Variants in SPAG16 observed in about 807,000 individuals in gnomAD.
SPAG16 encodes the protein sperm-associated antigen 16 protein.
SPAG16 carries 86 observed loss-of-function variants against 80.4 expected under a neutral mutation model. The ratio of observed to expected loss-of-function variants is 1.07; its 90% CI spans 0.90 to 1.28. SPAG16 has a LOEUF of 1.28. Ranked by LOEUF, SPAG16 falls within the 50% of genes most tolerant of loss-of-function variation. SPAG16 has a pLI of 0.00. For synonymous variants in SPAG16, 294 were observed against 265.9 expected (o/e 1.11, Z -1.03); for missense variants, 870 against 765.3 (o/e 1.14, Z -1.61).
intron 15 of SPAG16, among the ~76,000 whole-genome samples, chr2:214,400,498 C>T (rs778070022): frequency 5.9e-5 from 9 of 151,792 alleles, no homozygotes; most frequent in Non-Finnish European, 1.2e-4. Flanking sequence ...CAGGAGGATA[C>T]GCATAGGTTA....
chr2:214,243,610 A>G (rs1689640971), intron 15 of SPAG16, among the ~76,000 whole-genome samples: 1 of 152,156 alleles, frequency 6.6e-6, no homozygotes, highest in Non-Finnish European at 1.5e-5. Flanking sequence ...ATATACTACT[A>G]GTGTCTAGTT....
chr2:214,152,239 C>G (rs1178699728), intron 15 of SPAG16, among the ~76,000 whole-genome samples: 5 of 151,986 alleles, frequency 3.3e-5, no homozygotes, highest in African/African-American at 1.2e-4. Flanking sequence ...TATATATGTA[C>G]TAATAAATAG....
rs182472777 is a variant in SPAG16, at chr2:213,800,767, A to C, written c.1071-61718A>C. On this transcript the variant is annotated intron_variant, in intron 10 of 15. Coordinates refer to ENST00000331683, the MANE Select transcript of SPAG16 (RefSeq NM_024532.5). Reference sequence around the variant, plus strand: ...TAAATCTCATACCAAATTTGTAGTGATGCTTTGTATAAACATAACGTCCCA... The same window carrying C: ...TAAATCTCATACCAAATTTGTAGTGCTGCTTTGTATAAACATAACGTCCCA... Among the ~76,000 whole-genome samples the C allele has an allele frequency of 3.0e-4, 45 of 152,322 alleles. 1 individual carries two copies. The highest frequency in any genetic ancestry group is 1.1e-3 in the African/African-American group (44 of 41,578).
At chr2:213,408,935 G>A (rs1042041370) in intron 9 of SPAG16, among the ~76,000 whole-genome samples, 1 of 152,130 alleles carries the variant, frequency 6.6e-6, no homozygotes, top group Non-Finnish European at 1.5e-5. Flanking sequence ...AGTTAGCAGT[G>A]TAACACGTAT....
intron 10 of SPAG16, among the ~76,000 whole-genome samples, chr2:213,653,373 T>C (rs1199046894): frequency 3.9e-5 from 6 of 152,188 alleles, no homozygotes; most frequent in Non-Finnish European, 7.4e-5. Flanking sequence ...GCAAACACAG[T>C]GACTTTCATA....
chr2:213,284,729 A>T (rs758894614), intron 1 of SPAG16, 110 bp downstream of exon 1: 1 of 1,413,676 alleles, frequency 7.1e-7, no homozygotes, highest in Non-Finnish European at 9.3e-7. Flanking sequence ...GCCACTCCGG[A>T]GGAGCCTCTG....
chr2:214,167,531 G>T (rs2056705196), intron 15 of SPAG16, among the ~76,000 whole-genome samples: 1 of 152,024 alleles, frequency 6.6e-6, no homozygotes, highest in South Asian at 2.1e-4. Flanking sequence ...TTCCAAACTG[G>T]AGAAGGAAAG....
chr2:214,312,478 C>G (rs180910772), intron 15 of SPAG16, among the ~76,000 whole-genome samples: 5 of 152,224 alleles, frequency 3.3e-5, no homozygotes, highest in Non-Finnish European at 7.4e-5. Context: ...ATGGACCTGA[C>G]TTTGAGCTGT....
chr2:213,760,032 C>G (rs1009069853), intron 10 of SPAG16, among the ~76,000 whole-genome samples: 5 of 150,404 alleles, frequency 3.3e-5, no homozygotes, highest in African/African-American at 1.2e-4. Flanking sequence ...AAGACTCTGT[C>G]TCAAAAAAAG....
intron 10 of SPAG16, among the ~76,000 whole-genome samples, chr2:213,630,480 T>C (rs2062110374): frequency 6.6e-6 from 1 of 152,060 alleles, no homozygotes. Context: ...ATAAAAATGG[T>C]AAGTTTGTAA....
chr2:214,380,026 TGCA>T (rs1422694345), intron 15 of SPAG16, among the ~76,000 whole-genome samples: 32 of 152,204 alleles, frequency 2.1e-4, no homozygotes, highest in African/African-American at 7.7e-4. Context: ...GTATACACAC[TGCA>T]TTCTTAGTTC....
chr2:214,075,154 A>G (rs923564742), intron 13 of SPAG16, among the ~76,000 whole-genome samples: 1 of 150,794 alleles, frequency 6.6e-6, no homozygotes, highest in African/African-American at 2.4e-5. Flanking sequence ...TTTTTCAGGT[A>G]TTTTCTCCCA....
At chr2:213,399,490 A>G (rs1229136468) in intron 9 of SPAG16, among the ~76,000 whole-genome samples, 1 of 152,040 alleles carries the variant, frequency 6.6e-6, no homozygotes, top group Middle Eastern at 3.3e-3. Flanking sequence ...AAATGTAAAC[A>G]TTCTCTTTCA....
At chr2:213,309,277 G>T (rs556713107) in intron 3 of SPAG16, among the ~76,000 whole-genome samples, 5 of 151,936 alleles carry the variant, frequency 3.3e-5, no homozygotes, top group Non-Finnish European at 7.4e-5. Flanking sequence ...TAAACAAATG[G>T]GCATGGGCAT....
chr2:214,014,743 G>A lies in SPAG16; in HGVS notation c.1527+666G>A, dbSNP rs115898678. On this transcript the variant is annotated intron_variant, in intron 13 of 15. Transcript: ENST00000331683. The stretch of plus-strand genomic sequence containing the variant: ...TACAGAGACAAAACAAGATCATGAC[G>A]TATTTGATTAAAGTCTTAAACTATT... Among the ~76,000 whole-genome samples the A allele has an allele frequency of 5.2e-3, 790 of 152,270 alleles. 4 individuals carry two copies. The highest frequency in any genetic ancestry group is 7.7e-3 in the Non-Finnish European group (527 of 68,014).
chr2:213,604,938 T>A (rs553767790), intron 10 of SPAG16, among the ~76,000 whole-genome samples: 2 of 148,828 alleles, frequency 1.3e-5, no homozygotes, highest in African/African-American at 4.9e-5. Flanking sequence ...ATATTATATA[T>A]AAAATATTTA....
intron 9 of SPAG16, among the ~76,000 whole-genome samples, chr2:213,459,578 G>A (rs1212218723): frequency 2.0e-5 from 3 of 152,162 alleles, no homozygotes; most frequent in Admixed American, 1.3e-4. Context: ...AAACCATGGG[G>A]TGATCACTGG....
At chr2:214,139,441 A>G (rs895410745) in intron 14 of SPAG16, among the ~76,000 whole-genome samples, 5 of 151,712 alleles carry the variant, frequency 3.3e-5, no homozygotes, top group Non-Finnish European at 7.4e-5. Flanking sequence ...GATTTTGTTG[A>G]TGTTATCTCT....
chr2:213,737,932 T>A (rs1274344870), intron 10 of SPAG16, among the ~76,000 whole-genome samples: 6 of 152,258 alleles, frequency 3.9e-5, no homozygotes, highest in South Asian at 2.1e-4. Context: ...TCAATATTTT[T>A]AAAAAAATTC....
Sources: allele counts gnomAD v4.1 joint callset (sites outside exome capture counted in the v4.1 genomes callset), GRCh38; gene constraint gnomAD v4.1.1; transcripts MANE v1.5; gene names NCBI Gene and HGNC (gene_info 2026-07-23, HGNC 2026-07-21).